Variants in PPM1B observed in about 807,000 individuals in gnomAD.
PPM1B encodes the protein protein phosphatase 1B.
A neutral mutation model predicts 43.0 loss-of-function variants in PPM1B; 22 were observed. The ratio of observed to expected loss-of-function variants is 0.51; its 90% CI spans 0.37 to 0.73. The LOEUF (loss-of-function observed/expected upper bound fraction) is 0.73. PPM1B is among the 30% of genes least tolerant of loss of function. PPM1B has a pLI of 0.00. For missense variants in PPM1B, 632 were observed against 584.2 expected (o/e 1.08, Z -0.84); for synonymous variants, 217 against 197.9 (o/e 1.10, Z -0.81).
intron 1 of PPM1B, among the ~76,000 whole-genome samples, chr2:44,200,930 T>C (rs542553957): frequency 6.6e-6 from 1 of 152,336 alleles, no homozygotes; most frequent in African/African-American, 2.4e-5. Flanking sequence ...GAGAGGCTTT[T>C]AAAAGATGAT....
At position 44,230,691 on chromosome 2, in the gene PPM1B, G is replaced by C; in HGVS notation, c.1413G>C (p.Gly471=). 1 of 1,610,668 alleles carries C rather than the reference G, an allele frequency of 6.2e-7. No homozygotes were observed. Among genetic ancestry groups the C allele is most frequent in the Non-Finnish European group, 8.5e-7 (1 of 1,177,392 alleles). ...AELDSSNEDA[G]TKMSGEKI ...TAGACAGCTCTAATGAAGATGCAGG[G>C]ACAAAGATGAGTGGTGAAAAAATAT... The change falls in exon 6 of 6, where the codon GGG becomes GGC. Residue 471 remains glycine (G), a synonymous_variant. Transcript: ENST00000282412.
At chr2:44,174,909 G>T (rs1205167115) in intron 1 of PPM1B, among the ~76,000 whole-genome samples, 1 of 152,132 alleles carries the variant, frequency 6.6e-6, no homozygotes, top group African/African-American at 2.4e-5. Context: ...TATCTCTGAG[G>T]TGGGGAAATG....
chr2:44,175,586 C>G (rs959824672), intron 1 of PPM1B, among the ~76,000 whole-genome samples: 17 of 152,084 alleles, frequency 1.1e-4, no homozygotes, highest in African/African-American at 4.1e-4. Context: ...CAGCTGAACT[C>G]CTTATGTGGC....
intron 1 of PPM1B, among the ~76,000 whole-genome samples, chr2:44,198,181 G>A (rs570939637): frequency 5.3e-5 from 8 of 152,116 alleles, no homozygotes; most frequent in Non-Finnish European, 1.0e-4. Context: ...TTGTTTTTGA[G>A]ACGGAGTCTT....
intron 2 of PPM1B, among the ~76,000 whole-genome samples, chr2:44,208,613 T>A (rs1190474464): frequency 6.6e-6 from 1 of 152,172 alleles, no homozygotes; most frequent in Non-Finnish European, 1.5e-5. Flanking sequence ...CTCAGGAGGC[T>A]GAGGCAGGAG....
At chr2:44,206,942 A>G (rs1313279553) in intron 2 of PPM1B, among the ~76,000 whole-genome samples, 2 of 152,208 alleles carry the variant, frequency 1.3e-5, no homozygotes, top group South Asian at 2.1e-4. Flanking sequence ...TGACATTTAT[A>G]CAAGTATATT....
At chr2:44,202,174 A>T in intron 2 of PPM1B, 129 bp downstream of exon 2, 1 of 913,910 alleles carries the variant, frequency 1.1e-6, no homozygotes, top group Non-Finnish European at 1.5e-6. Flanking sequence ...GAAGTACTTT[A>T]CCAGAAATGA....
At chr2:44,183,243 C>T (rs1209240787) in intron 1 of PPM1B, among the ~76,000 whole-genome samples, 4 of 152,154 alleles carry the variant, frequency 2.6e-5, no homozygotes, top group African/African-American at 9.7e-5. Flanking sequence ...CTGCTGTGAC[C>T]ACCACTACCA....
intron 3 of PPM1B, among the ~76,000 whole-genome samples, chr2:44,216,303 G>T (rs1368442619): frequency 6.6e-6 from 1 of 152,150 alleles, no homozygotes; most frequent in East Asian, 1.9e-4. Flanking sequence ...CTGGCATCTA[G>T]TGAATGGAGG....
chr2:44,178,480 T>TTTG (rs1667699818), intron 1 of PPM1B, among the ~76,000 whole-genome samples: 1 of 147,174 alleles, frequency 6.8e-6, no homozygotes, highest in Non-Finnish European at 1.5e-5. Context: ...ATATATTTTT[T>TTTG]TTTTTAGACA....
At chr2:44,210,345 A>G (rs1270022768) in intron 3 of PPM1B, among the ~76,000 whole-genome samples, 1 of 151,718 alleles carries the variant, frequency 6.6e-6, no homozygotes, top group African/African-American at 2.4e-5. Flanking sequence ...GCCTCTCCCA[A>G]GTAGCTGGAA....
Position 44,209,179 on chromosome 2 carries a change from A to G in PPM1B, c.847-31A>G, listed in dbSNP as rs373041639. 8 of 1,508,072 alleles carry G rather than the reference A, an allele frequency of 5.3e-6. No individual in the cohort carries two copies. In the African/African-American group the frequency reaches 9.9e-5, roughly 19 times the overall value. 93.4% of individuals were successfully genotyped at this position (1,508,072 alleles called of 1,614,324 possible). ...AATAATAGTTGATTGTAGAAATACA[A>G]TTTTTTTTCTTTTTTTTCTTTAATA... On this transcript the variant is annotated intron_variant, in intron 2 of 5. Coordinates refer to ENST00000282412, the MANE Select transcript of PPM1B (RefSeq NM_002706.6).
intron 2 of PPM1B, among the ~76,000 whole-genome samples, chr2:44,206,929 T>G (rs145501746): frequency 6.6e-6 from 1 of 152,326 alleles, no homozygotes; most frequent in East Asian, 1.9e-4. Flanking sequence ...TGAACTGCCC[T>G]TATGACATTT....
intron 5 of PPM1B, among the ~76,000 whole-genome samples, chr2:44,242,845 T>C (rs1670779676): frequency 6.6e-6 from 1 of 152,216 alleles, no homozygotes; most frequent in Admixed American, 6.5e-5. Context: ...TCTTTATACA[T>C]GTAGGATTTT....
intron 2 of PPM1B, among the ~76,000 whole-genome samples, chr2:44,208,263 C>G (rs1051732180): frequency 5.9e-5 from 9 of 152,136 alleles, no homozygotes; most frequent in African/African-American, 2.2e-4. Flanking sequence ...CTTAAATTAG[C>G]TATTTTAGCC....
intron 5 of PPM1B, among the ~76,000 whole-genome samples, chr2:44,241,655 C>A (rs1441652319): frequency 6.7e-6 from 1 of 149,364 alleles, no homozygotes; most frequent in African/African-American, 2.4e-5. Context: ...TCGCTTGAAT[C>A]CAGGAGGCAG....
rs939763725 is a variant in PPM1B at position 44,240,270 on chromosome 2, C to T, written n.1547-3958C>T. Among the ~76,000 whole-genome samples the T allele has an allele frequency of 7.6e-5, 11 of 145,416 alleles. 2 individuals are homozygous for T. The highest frequency in any genetic ancestry group is 2.1e-4 in the Admixed American group (3 of 14,606). On this transcript the variant is annotated intron_variant and non_coding_transcript_variant, in intron 5 of 5. Transcript: ENST00000378540. ...GGATATAATATTGAAAATTGTTCGC[C>T]CTTCCTATAATTATTTTGTGTGTTT... is the stretch of plus-strand genomic sequence containing the variant.
In PPM1B at chr2:44,201,513, G is replaced by T; in HGVS notation, c.314G>T (p.Gly105Val). Residue 105 changes from glycine to valine, a missense_variant, in exon 2 of 6, where the codon GGT becomes GTT. This residue lies in a region of PPM1B where 200 missense variants were observed against 200.7 expected (regional missense o/e 1.00). Transcript: ENST00000282412. This position sits in a 1 kb window ranked among gnomAD's most constrained non-coding sequence, Gnocchi z 5.4. ...LELSVENVKN[G>V]IRTGFLKIDE... is the part of the protein sequence containing the mutation. ...CTTTCAGTGGAAAATGTTAAGAATG[G>T]TATCAGAACTGGATTTTTGAAAATT... is the stretch of plus-strand genomic sequence containing the variant. 6.2e-7 allele frequency: 1 copy of T among 1,614,192 alleles called. No individual in the cohort carries two copies. Among genetic ancestry groups the T allele is most frequent in the Non-Finnish European group, 8.5e-7 (1 of 1,180,032 alleles).
At position 44,210,211 on chromosome 2, in the gene PPM1B, A is replaced by G. The variant is rs568130404; in HGVS notation, c.964+884A>G. On this transcript the variant is annotated intron_variant, in intron 3 of 5. Coordinates refer to ENST00000282412, the MANE Select transcript of PPM1B (RefSeq NM_002706.6). ...ATATTTTTTTAAACTTCATTTGGCA[A>G]TAAATTTTTTTTTTTTTTTTTTTGA... Among the ~76,000 whole-genome samples, 4 of 147,672 alleles carry G rather than the reference A, an allele frequency of 2.7e-5. No individual in the cohort carries two copies. In the East Asian group the frequency reaches 7.9e-4, roughly 29 times the overall value.
Sources: gnomAD v4.1 joint callset for allele counts (sites outside exome capture counted in the v4.1 genomes callset) on GRCh38, gnomAD v4.1.1 for gene constraint, gnomAD v4.1.1 regional missense constraint, Gnocchi (gnomAD v3.1) non-coding constraint, MANE v1.5 for transcripts, NCBI Gene and HGNC (gene_info 2026-07-23, HGNC 2026-07-21) for gene names.